Variants in LHFPL5 observed in about 807,000 individuals in gnomAD.
The protein encoded by LHFPL5 is LHFPL tetraspan subfamily member 5 protein.
Under a neutral mutation model 18.7 loss-of-function variants are expected in LHFPL5, and 12 were observed. That is an observed-to-expected ratio of 0.64 (90% CI 0.41 to 1.04). The LOEUF is 1.04. LHFPL5 is among the 50% of genes least tolerant of loss of function. LHFPL5 has a pLI of 0.00. For missense variants in LHFPL5, 259 were observed against 292.1 expected, an observed-to-expected ratio of 0.89 and a Z score of 0.83; for synonymous variants, 111 against 120.2, an observed-to-expected ratio of 0.92 and a Z score of 0.50.
At chr6:35,821,982 C>T (rs1294672184) in intron 3 of LHFPL5, among the ~76,000 whole-genome samples, 2 of 147,260 alleles carry the variant, frequency 1.4e-5, no homozygotes, top group Non-Finnish European at 3.0e-5. Context: ...TCAAGTCATC[C>T]TTCCACCTTA....
At chr6:35,810,246 C>T (rs979653410) in intron 1 of LHFPL5, among the ~76,000 whole-genome samples, 7 of 152,164 alleles carry the variant, frequency 4.6e-5, no homozygotes, top group African/African-American at 1.7e-4. Context: ...CCTCCTAACA[C>T]CATCACACTG....
intron 1 of LHFPL5, among the ~76,000 whole-genome samples, chr6:35,806,600 C>T (rs1768572685): frequency 6.6e-6 from 1 of 152,188 alleles, no homozygotes; most frequent in Non-Finnish European, 1.5e-5. Flanking sequence ...TTCTCTCTCT[C>T]CCACTCCAAA....
chr6:35,818,527 T>TA lies in LHFPL5; in HGVS notation c.650-903dup, dbSNP rs200546519. ...GCCCATACCACCACACTTGGCTTTT[T>TA]AAAAAAATTTTTTTTGTAGAGACGG... On this transcript the variant is annotated intron_variant, in intron 2 of 3. Coordinates refer to ENST00000360215, the MANE Select transcript of LHFPL5 (RefSeq NM_182548.4). 8.0e-3 allele frequency among the ~76,000 whole-genome samples: 1,211 copies of TA among 151,284 alleles called. 12 individuals are homozygous for TA. The highest frequency in any genetic ancestry group is 0.013 in the Non-Finnish European group (879 of 67,800).
intron 1 of LHFPL5, among the ~76,000 whole-genome samples, chr6:35,812,357 G>C (rs1259198341): frequency 1.3e-5 from 2 of 152,152 alleles, no homozygotes; most frequent in African/African-American, 4.8e-5. Context: ...TGGGACTAGA[G>C]AGCCTCCAGA....
chr6:35,805,768 C>T lies in LHFPL5; in HGVS notation c.98C>T (p.Thr33Ile). 6.2e-7 allele frequency: 1 copy of T among 1,614,254 alleles called. No individual in the cohort carries two copies. The highest frequency in any genetic ancestry group is 8.5e-7 in the Non-Finnish European group (1 of 1,180,042). The change falls in exon 1 of 4, where the codon ACC becomes ATC. Residue 33 changes from threonine (T) to isoleucine (I), a missense_variant. By Grantham distance (89) the Thr-to-Ile change is moderately conservative. Coordinates refer to ENST00000360215, the MANE Select transcript of LHFPL5 (RefSeq NM_182548.4). The surrounding 1 kb of genome is among the most constrained non-coding windows in gnomAD (Gnocchi z 4.3). ...RAVGVMWGTL[T>I]ICFSVLVMAL... ...GTGGGCGTGATGTGGGGTACCCTCA[C>T]CATCTGCTTCTCCGTACTGGTCATG...
At chr6:35,809,045 C>T (rs1400762928) in intron 1 of LHFPL5, among the ~76,000 whole-genome samples, 1 of 152,076 alleles carries the variant, frequency 6.6e-6, no homozygotes, top group Non-Finnish European at 1.5e-5. Context: ...TCATTAGTAC[C>T]CTTGCCAAGA....
chr6:35,805,868 C>A lies in LHFPL5; in HGVS notation c.198C>A (p.Ser66=). ...TPQAGYFGLF[S]YCVGNVLSSE... ...AGGCAGGCTACTTCGGCCTTTTCTC[C>A]TACTGCGTGGGTAACGTGCTGTCCT... Residue 66 remains serine (S), a synonymous_variant, in exon 1 of 4, where the codon TCC becomes TCA. Transcript: ENST00000360215. The surrounding 1 kb of genome is among the most constrained non-coding windows in gnomAD (Gnocchi z 4.3). The A allele has an allele frequency of 6.2e-7, 1 of 1,614,252 alleles. No individual in the cohort carries two copies.
At chr6:35,816,488 C>G (rs1768763827) in intron 2 of LHFPL5, among the ~76,000 whole-genome samples, 1 of 151,954 alleles carries the variant, frequency 6.6e-6, no homozygotes, top group Non-Finnish European at 1.5e-5. Context: ...GATCCCGGAT[C>G]CCTTGAGGAT....
chr6:35,818,337 ATATATATATATGTATTT>A (rs1561955560), intron 2 of LHFPL5, among the ~76,000 whole-genome samples: 7 of 12,222 alleles, frequency 5.7e-4, no homozygotes, highest in South Asian at 4.2e-3. Flanking sequence ...ATATATATAT[ATATATATATATGTATTT>A]TTTTTTTTTT....
chr6:35,812,287 A>G (rs1768677858), intron 1 of LHFPL5, among the ~76,000 whole-genome samples: 1 of 152,154 alleles, frequency 6.6e-6, no homozygotes, highest in South Asian at 2.1e-4. Flanking sequence ...GGAAGCAGGG[A>G]AGGTAACTTT....
At position 35,823,945 on chromosome 6, in the gene LHFPL5, T is replaced by C. The variant is rs1005423382; in HGVS notation, c.*980T>C. On this transcript the variant is annotated 3_prime_UTR_variant, in exon 4 of 4. Transcript: ENST00000360215. ...GATCCCCTGCAGATGCCAAAATACATGGATGCCCAAGTCCTCAGCTAAAAA... is the reference window on the plus strand; with the variant it reads ...GATCCCCTGCAGATGCCAAAATACACGGATGCCCAAGTCCTCAGCTAAAAA... The C allele has an allele frequency of 6.6e-6, 1 of 152,180 alleles. No individual in the cohort carries two copies. Among genetic ancestry groups the C allele is most frequent in the Non-Finnish European group, 1.5e-5 (1 of 68,042 alleles). The allele number at this position is 152,180 out of a possible 1,614,324, so 9.4% of individuals were successfully genotyped here. A position where few individuals can be genotyped will look rare whatever the true frequency, so the allele number is the denominator to read the frequency against.
chr6:35,810,727 T>C (rs1581970005), intron 1 of LHFPL5, among the ~76,000 whole-genome samples: 1 of 149,596 alleles, frequency 6.7e-6, no homozygotes, highest in African/African-American at 2.5e-5. Flanking sequence ...CTTGGGAGGC[T>C]GAGGCAGGAG....
chr6:35,808,564 CATATATATATATATATATAT>C lies in LHFPL5; in HGVS notation c.412+2505_412+2524del, dbSNP rs56343421. 2.5e-3 allele frequency among the ~76,000 whole-genome samples: 221 copies of C among 87,264 alleles called. 5 individuals are homozygous for C. The highest frequency in any genetic ancestry group is 4.5e-3 in the Admixed American group (32 of 7,116). The allele number at this position is 87,264 out of a possible 152,430, so 57.2% of individuals were successfully genotyped here. ...TTCTTTACTATATATTCATTTTATA[CATATATATATATATATATAT>C]ATATATATATATATATATATATGAA... On this transcript the variant is annotated intron_variant, in intron 1 of 3. Transcript: ENST00000360215.
In LHFPL5 at chr6:35,814,529, C is replaced by A; in HGVS notation, c.413-17C>A. The A allele has an allele frequency of 6.3e-7, 1 of 1,592,540 alleles. No individual in the cohort carries two copies. The highest frequency in any genetic ancestry group is 8.6e-7 in the Non-Finnish European group (1 of 1,160,344). ...ACACTCGGCCTGATGCCATGTGCAC[C>A]CCTCCTTCCCCCTCAGCCACAGGCC... On this transcript the variant is annotated splice_polypyrimidine_tract_variant and intron_variant, in intron 1 of 3. Coordinates refer to ENST00000360215, the MANE Select transcript of LHFPL5 (RefSeq NM_182548.4). This position sits in a 1 kb window ranked among gnomAD's most constrained non-coding sequence, Gnocchi z 4.2.
chr6:35,807,072 C>T (rs914808991), intron 1 of LHFPL5, among the ~76,000 whole-genome samples: 1 of 152,038 alleles, frequency 6.6e-6, no homozygotes, highest in African/African-American at 2.4e-5. Context: ...AAGTGATTTG[C>T]CTGCCTCAGT....
At chr6:35,818,345 ATATGTATT>A (rs1479792643) in intron 2 of LHFPL5, among the ~76,000 whole-genome samples, 1 of 5,254 alleles carries the variant, frequency 1.9e-4, no homozygotes, top group Non-Finnish European at 4.9e-4. Context: ...ATATATATAT[ATATGTATT>A]TTTTTTTTTT....
rs143042462 is a variant in LHFPL5, at chr6:35,817,652, T to C, written c.650-1785T>C. Among the ~76,000 whole-genome samples, 226 of 152,292 alleles carry C rather than the reference T, an allele frequency of 1.5e-3. 1 individual carries two copies. The highest frequency in any genetic ancestry group is 5.0e-3 in the African/African-American group (209 of 41,574). The stretch of plus-strand genomic sequence containing the variant: ...TGTAAAAATGCCAATCAAATCCACA[T>C]TGAGATACAATTTCACACCCACTAA... On this transcript the variant is annotated intron_variant, in intron 2 of 3. Coordinates refer to ENST00000360215, the MANE Select transcript of LHFPL5 (RefSeq NM_182548.4).
Position 35,807,262 on chromosome 6 carries a change from AAATAAT to A in LHFPL5, c.412+1195_412+1200del, listed in dbSNP as rs71540124. ...CAAGATGGAAAGACCCTGTCTCTAA[AAATAAT>A]AATAATAATAATAAATAAAATAAAA... On this transcript the variant is annotated intron_variant, in intron 1 of 3. Coordinates refer to ENST00000360215, the MANE Select transcript of LHFPL5 (RefSeq NM_182548.4). 4.9e-3 allele frequency among the ~76,000 whole-genome samples: 685 copies of A among 140,042 alleles called. 3 individuals are homozygous for A. Among genetic ancestry groups the A allele is most frequent in the Admixed American group, 7.4e-3 (107 of 14,414 alleles). The allele number at this position is 140,042 out of a possible 152,430, so 91.9% of individuals were successfully genotyped here.
chr6:35,813,792 CTTTT>C (rs1012092184), intron 1 of LHFPL5, among the ~76,000 whole-genome samples: 3 of 121,532 alleles, frequency 2.5e-5, no homozygotes, highest in Non-Finnish European at 1.7e-5. Context: ...TTTCCTTTTC[CTTTT>C]TTTTTTTTTT....
Sources: gnomAD v4.1 joint callset for allele counts (sites outside exome capture counted in the v4.1 genomes callset) on GRCh38, gnomAD v4.1.1 for gene constraint, Gnocchi (gnomAD v3.1) non-coding constraint, MANE v1.5 for transcripts, NCBI Gene and HGNC (gene_info 2026-07-23, HGNC 2026-07-21) for gene names.